CSRNP3: variants seen among roughly 807,000 people sequenced by gnomAD.
CSRNP3 encodes cysteine/serine-rich nuclear protein 3.
CSRNP3 carries 12 observed loss-of-function variants against 48.0 expected under a neutral mutation model. The observed-to-expected ratio is 0.25, with a 90% confidence interval of 0.16 to 0.41. The LOEUF (loss-of-function observed/expected upper bound fraction) is 0.41, where lower values mean the gene tolerates loss of function less well. Ranked by LOEUF, CSRNP3 falls within the 10% of genes least tolerant of loss-of-function variation. CSRNP3 has a pLI of 1.00. For missense variants in CSRNP3, 580 were observed against 724.4 expected (o/e 0.80, Z 2.29); for synonymous variants, 263 against 269.7 (o/e 0.98, Z 0.24).
At chr2:165,609,191 C>T (rs746803916) in intron 4 of CSRNP3, among the ~76,000 whole-genome samples, 1 of 150,942 alleles carries the variant, frequency 6.6e-6, no homozygotes, top group Admixed American at 6.6e-5. Context: ...CGCAGTGGCT[C>T]ACGCCTGTAA....
chr2:165,475,173 G>A (rs778219214), intron 1 of CSRNP3, among the ~76,000 whole-genome samples: 8 of 151,834 alleles, frequency 5.3e-5, no homozygotes, highest in Non-Finnish European at 1.2e-4. Context: ...TTCTGGAAAA[G>A]GGTTTCAAAA....
At chr2:165,574,786 A>G (rs1301709336) in intron 3 of CSRNP3, among the ~76,000 whole-genome samples, 1 of 152,200 alleles carries the variant, frequency 6.6e-6, no homozygotes, top group African/African-American at 2.4e-5. Flanking sequence ...ATTTAAAATA[A>G]GATCCGAGTT....
chr2:165,605,178 C>G (rs1333226606), intron 4 of CSRNP3, among the ~76,000 whole-genome samples: 2 of 152,088 alleles, frequency 1.3e-5, no homozygotes, highest in Admixed American at 1.3e-4. Flanking sequence ...GAACTCATTA[C>G]TGTGGCTTCC....
In CSRNP3 at chr2:165,595,196, C is replaced by T. The variant is rs991131183; in HGVS notation, c.131C>T (p.Thr44Ile). ...AGTGGGGACAGTGTCAATCCATCCACTTCTAGTCATTTTACCCGTGAGTAC... is the reference window on the plus strand; with the variant it reads ...AGTGGGGACAGTGTCAATCCATCCATTTCTAGTCATTTTACCCGTGAGTAC... ...ADSGDSVNPS[T>I]SSHFTPSSIL... The change falls in exon 4 of 7, where the codon ACT (threonine) becomes ATT (isoleucine). Residue 44 changes from threonine (T) to isoleucine (I), a missense_variant. Thr to Ile is a moderately conservative substitution (Grantham distance 89). Transcript: ENST00000651982. The T allele has an allele frequency of 3.7e-6, 6 of 1,612,838 alleles. No individual in the cohort carries two copies. Among genetic ancestry groups the T allele is most frequent in the Non-Finnish European group, 5.1e-6 (6 of 1,179,104 alleles).
intron 1 of CSRNP3, among the ~76,000 whole-genome samples, chr2:165,488,281 C>A (rs1477153426): frequency 1.4e-5 from 1 of 68,986 alleles, no homozygotes; most frequent in Non-Finnish European, 2.9e-5. Flanking sequence ...TACAGGAGCA[C>A]CCAGATTCAT....
At chr2:165,611,075 G>A (rs1254480061) in intron 4 of CSRNP3, among the ~76,000 whole-genome samples, 2 of 152,166 alleles carry the variant, frequency 1.3e-5, no homozygotes, top group Non-Finnish European at 2.9e-5. Flanking sequence ...TTTGCTAGAA[G>A]AAATGGATAG....
intron 3 of CSRNP3, among the ~76,000 whole-genome samples, chr2:165,555,183 A>G (rs948500186): frequency 6.6e-6 from 1 of 152,062 alleles, no homozygotes; most frequent in African/African-American, 2.4e-5. Context: ...TCTCCAATGC[A>G]CTTACCACTA....
chr2:165,572,953 A>G (rs543597544), intron 3 of CSRNP3, among the ~76,000 whole-genome samples: 26 of 152,276 alleles, frequency 1.7e-4, no homozygotes, highest in African/African-American at 6.0e-4. Flanking sequence ...TGTTAAAACA[A>G]TCTGTATTGC....
At chr2:165,593,623 G>C (rs2105293940) in intron 3 of CSRNP3, among the ~76,000 whole-genome samples, 1 of 152,306 alleles carries the variant, frequency 6.6e-6, no homozygotes, top group South Asian at 2.1e-4. Flanking sequence ...AGTGATTTCA[G>C]AGATTTCCAA....
chr2:165,685,753 T>A lies in CSRNP3; in HGVS notation c.*6000T>A, dbSNP rs766889087. On this transcript the variant is annotated 3_prime_UTR_variant, in exon 7 of 7. Transcript: ENST00000651982. ...GTCAACTTCACTGTGTCACTTTATGTCATCTCTCATAAAAGTTTCTGGCAG... is the reference window on the plus strand; with the variant it reads ...GTCAACTTCACTGTGTCACTTTATGACATCTCTCATAAAAGTTTCTGGCAG... The A allele has an allele frequency of 4.6e-5, 7 of 152,082 alleles. No individual in the cohort carries two copies. Among genetic ancestry groups the A allele is most frequent in the Non-Finnish European group, 7.4e-5 (5 of 67,984 alleles). 9.4% of individuals were successfully genotyped at this position (152,082 alleles called of 1,614,324 possible).
In CSRNP3 at chr2:165,500,530, TCACTG is replaced by T. The variant is rs1684345319; in HGVS notation, c.-113+5605_-113+5609del. On this transcript the variant is annotated intron_variant, in intron 2 of 6. Coordinates refer to ENST00000651982, the MANE Select transcript of CSRNP3 (RefSeq NM_001172173.2). The stretch of plus-strand genomic sequence containing the variant: ...AGTGGCACCATCTTGCATTCTTGGC[TCACTG>T]CAACCTCCACCTCCCGGGCTCAAGT... Among the ~76,000 whole-genome samples the T allele has an allele frequency of 4.0e-5, 6 of 151,874 alleles. No homozygotes were observed. In the South Asian group the frequency reaches 1.0e-3, roughly 26 times the overall value.
At position 165,536,356 on chromosome 2, in the gene CSRNP3, GT is replaced by G. The variant is rs555547889; in HGVS notation, c.-24+18400del. ...TTTCTTCCAAGTGCATCTGATTATG[GT>G]TTTTATTTCTTTCCTAAGAGTTGAT... On this transcript the variant is annotated intron_variant, in intron 3 of 6. Transcript: ENST00000651982. Among the ~76,000 whole-genome samples the G allele has an allele frequency of 3.3e-5, 5 of 151,846 alleles. No individual in the cohort carries two copies. In the South Asian group the frequency reaches 1.0e-3, roughly 32 times the overall value.
rs1355834334 is a variant in CSRNP3 at position 165,563,430 on chromosome 2, T to A, written c.-23-31613T>A. On this transcript the variant is annotated intron_variant, in intron 3 of 6. Coordinates refer to ENST00000651982, the MANE Select transcript of CSRNP3 (RefSeq NM_001172173.2). ...AACCCAGCTGTTTCTGTACCTCATT[T>A]CCCTTTTTTTGTCTATAAATCTTAT... Among the ~76,000 whole-genome samples the A allele has an allele frequency of 6.6e-5, 10 of 152,134 alleles. 1 individual carries two copies. Among genetic ancestry groups the A allele is most frequent in the Non-Finnish European group, 1.5e-4 (10 of 68,014 alleles).
At chr2:165,545,843 G>T (rs1462644255) in intron 3 of CSRNP3, among the ~76,000 whole-genome samples, 1 of 152,046 alleles carries the variant, frequency 6.6e-6, no homozygotes, top group African/African-American at 2.4e-5. Flanking sequence ...CTTAAAGAGA[G>T]AAATAGATCC....
intron 2 of CSRNP3, among the ~76,000 whole-genome samples, chr2:165,498,817 A>G (rs184576617): frequency 3.3e-3 from 509 of 152,238 alleles, no homozygotes; most frequent in Non-Finnish European, 6.1e-3. Context: ...TCCAAAATAC[A>G]TCATAGAAAA....
chr2:165,642,404 G>T (rs931815601), intron 4 of CSRNP3, among the ~76,000 whole-genome samples: 8 of 152,130 alleles, frequency 5.3e-5, no homozygotes, highest in African/African-American at 1.9e-4. Context: ...GGGAAAGATT[G>T]TTTCTTCAGG....
chr2:165,489,119 C>T (rs1346115592), intron 1 of CSRNP3, among the ~76,000 whole-genome samples: 4 of 149,986 alleles, frequency 2.7e-5, no homozygotes, highest in Non-Finnish European at 5.9e-5. Context: ...GGGGATATCA[C>T]CACTGATCCC....
In CSRNP3 at chr2:165,684,214, G is replaced by A. The variant is rs1235967735; in HGVS notation, c.*4461G>A. ...CCAAAGACATCACTTTGCAGCAGGT[G>A]GAAAACAGAGAGGTTGTTAGACTCC... On this transcript the variant is annotated 3_prime_UTR_variant, in exon 7 of 7. Coordinates refer to ENST00000651982, the MANE Select transcript of CSRNP3 (RefSeq NM_001172173.2). The A allele has an allele frequency of 6.6e-6, 1 of 152,084 alleles. No homozygotes were observed. The highest frequency in any genetic ancestry group is 6.6e-5 in the Admixed American group (1 of 15,242). The allele number at this position is 152,084 out of a possible 1,614,324, so 9.4% of individuals were successfully genotyped here. A position where few individuals can be genotyped will look rare whatever the true frequency, so the allele number is the denominator to read the frequency against.
intron 4 of CSRNP3, among the ~76,000 whole-genome samples, chr2:165,634,465 C>T (rs931305727): frequency 1.3e-5 from 2 of 152,142 alleles, no homozygotes; most frequent in South Asian, 4.1e-4. Context: ...TAAATAAGAC[C>T]GGCGAAGGGC....
Sources: allele counts gnomAD v4.1 joint callset (sites outside exome capture counted in the v4.1 genomes callset), GRCh38; gene constraint gnomAD v4.1.1; transcripts MANE v1.5; gene names NCBI Gene and HGNC (gene_info 2026-07-23, HGNC 2026-07-21).